Variants in IRX3 observed in about 807,000 individuals in gnomAD.
IRX3 encodes iroquois homeobox 3, also known as iroquois-class homeodomain protein IRX-3.
IRX3 carries 20 observed loss-of-function variants against 36.4 expected under a neutral mutation model. The ratio of observed to expected loss-of-function variants is 0.55; its 90% confidence interval spans 0.39 to 0.80. The LOEUF (loss-of-function observed/expected upper bound fraction) is 0.80, where lower values mean the gene tolerates loss of function less well. Ranked by LOEUF, IRX3 falls within the 30% of genes least tolerant of loss-of-function variation. The pLI is 0.00. For missense variants in IRX3, 718 were observed against 733.2 expected, an observed-to-expected ratio of 0.98 and a Z score of 0.24; for synonymous variants, 404 against 351.6, an observed-to-expected ratio of 1.15 and a Z score of -1.67.
At position 54,284,718 on chromosome 16, in the gene IRX3, G is replaced by A. The variant is rs1481868250; in HGVS notation, c.1163C>T (p.Ala388Val). The change falls in exon 2 of 4, where the codon GCC (alanine) becomes GTC (valine). Residue 388 changes from alanine (A) to valine (V), a missense_variant. Physicochemically the swap from Ala to Val is moderately conservative, Grantham distance 64. Around this residue, in one of 3 missense-constraint regions of IRX3, gnomAD observed 468 missense variants for 462.1 expected, o/e 1.01. Coordinates refer to ENST00000329734, the MANE Select transcript of IRX3 (RefSeq NM_024336.3). The surrounding 1 kb of genome is among the most constrained non-coding windows in gnomAD (Gnocchi z 4.0). ...VAPSALQLSP[A>V]AAAAAAHRLV... Reference sequence around the variant, plus strand: ...TCTGTGAGCGGCGGCGGCGGCGGCGGCCGGAGAGAGCTGCAGGGCGGAAGG... The same window carrying A: ...TCTGTGAGCGGCGGCGGCGGCGGCGACCGGAGAGAGCTGCAGGGCGGAAGG... 9 of 1,432,610 alleles carry A rather than the reference G, an allele frequency of 6.3e-6. No individual in the cohort carries two copies. The highest frequency in any genetic ancestry group is 8.1e-6 in the Non-Finnish European group (9 of 1,105,952). 88.7% of individuals were successfully genotyped at this position (1,432,610 alleles called of 1,614,324 possible). A position where few individuals can be genotyped will look rare whatever the true frequency, so the allele number is the denominator to read the frequency against.
Position 54,286,116 on chromosome 16 carries a change from G to T in IRX3, c.-66C>A, listed in dbSNP as rs1901333499. On this transcript the variant is annotated 5_prime_UTR_variant, in exon 1 of 4. Coordinates refer to ENST00000329734, the MANE Select transcript of IRX3 (RefSeq NM_024336.3). ...CGGGCCGCCCAGCTCAGCGCCGCCC[G>T]CGGGCTCCGGCGCGCATCGGGGGCT... 1 of 1,176,214 alleles carries T rather than the reference G, an allele frequency of 8.5e-7. No homozygotes were observed. The highest frequency in any genetic ancestry group is 4.0e-5 in the East Asian group (1 of 25,148). The allele number at this position is 1,176,214 out of a possible 1,614,324, so 72.9% of individuals were successfully genotyped here.
In IRX3 at chr16:54,284,181, G is replaced by A. The variant is rs1456927878; in HGVS notation, c.1451+65C>T. ...CCCGGGGCAAAAGGCCGTGCGTGGT[G>A]CTCGGCGTCCTCTCCTTTCCCCGCC... On this transcript the variant is annotated intron_variant, in intron 3 of 3. Transcript: ENST00000329734. The surrounding 1 kb of genome is among the most constrained non-coding windows in gnomAD (Gnocchi z 4.0). 1 of 1,476,542 alleles carries A rather than the reference G, an allele frequency of 6.8e-7. No homozygotes were observed. Among genetic ancestry groups the A allele is most frequent in the Admixed American group, 1.8e-5 (1 of 54,494 alleles). 91.5% of individuals were successfully genotyped at this position (1,476,542 alleles called of 1,614,324 possible).
In IRX3 at chr16:54,284,897, G is replaced by C. The variant is rs777569439; in HGVS notation, c.984C>G (p.Pro328=). The C allele has an allele frequency of 1.1e-5, 17 of 1,573,524 alleles. No homozygotes were observed. Among genetic ancestry groups the C allele is most frequent in the Non-Finnish European group, 1.4e-5 (16 of 1,160,734 alleles). Residue 328 remains proline, a synonymous_variant, in exon 2 of 4, where the codon CCC becomes CCG. Coordinates refer to ENST00000329734, the MANE Select transcript of IRX3 (RefSeq NM_024336.3). The surrounding 1 kb of genome is among the most constrained non-coding windows in gnomAD (Gnocchi z 4.0). ...CGGGAGCGCAGGGGTCCAGGCTCAC[G>C]GGGGGCGACGGCAGAGACGGCGAGG... is the stretch of plus-strand genomic sequence containing the variant. ...AVASPSLPSP[P]VSLDPCAPAP... is the part of the protein sequence containing the mutation.
At position 54,284,372 on chromosome 16, in the gene IRX3, G is replaced by A. The variant is rs1901257537; in HGVS notation, c.1385-60C>T. Reference sequence around the variant, plus strand: ...TAGAGCGCTCGGTGCCGGCGCCCAGGGCCGCAGAAAGCAGGAGTGGAGAGG... The same window carrying A: ...TAGAGCGCTCGGTGCCGGCGCCCAGAGCCGCAGAAAGCAGGAGTGGAGAGG... On this transcript the variant is annotated intron_variant, in intron 2 of 3. Transcript: ENST00000329734. This position sits in a 1 kb window ranked among gnomAD's most constrained non-coding sequence, Gnocchi z 4.0. 2 of 1,553,228 alleles carry A rather than the reference G, an allele frequency of 1.3e-6. No individual in the cohort carries two copies. The highest frequency in any genetic ancestry group is 1.8e-4 in the Middle Eastern group (1 of 5,468).
chr16:54,284,413 C>A lies in IRX3; in HGVS notation c.1384+84G>T. The stretch of plus-strand genomic sequence containing the variant: ...AGTGGAGAGGGACGCGCGCCCTGCG[C>A]CCCCCGGGCCCTGCCCCTCCCGGCC... On this transcript the variant is annotated intron_variant, in intron 2 of 3. Transcript: ENST00000329734. This position sits in a 1 kb window ranked among gnomAD's most constrained non-coding sequence, Gnocchi z 4.0. The A allele has an allele frequency of 7.0e-7, 1 of 1,431,880 alleles. No individual in the cohort carries two copies. Among genetic ancestry groups the A allele is most frequent in the Non-Finnish European group, 9.1e-7 (1 of 1,099,256 alleles). 88.7% of individuals were successfully genotyped at this position (1,431,880 alleles called of 1,614,324 possible).
At position 54,284,688 on chromosome 16, in the gene IRX3, A is replaced by G. The variant is rs1329734393; in HGVS notation, c.1193T>C (p.Val398Ala). 1 of 1,415,100 alleles carries G rather than the reference A, an allele frequency of 7.1e-7. No homozygotes were observed. The highest frequency in any genetic ancestry group is 3.4e-5 in the Admixed American group (1 of 29,484). 87.7% of individuals were successfully genotyped at this position (1,415,100 alleles called of 1,614,324 possible). The stretch of plus-strand genomic sequence containing the variant: ...CGGGAACTTGCCCAGCGGCGCTGAG[A>G]CCAGTCTGTGAGCGGCGGCGGCGGC... The part of the protein sequence containing the change: ...AAAAAAAHRL[V>A]SAPLGKFPAW... The change falls in exon 2 of 4, where the codon GTC becomes GCC. Residue 398 changes from valine (V) to alanine (A), a missense_variant. By Grantham distance (64) the Val-to-Ala change is moderately conservative. Around this residue, in one of 3 missense-constraint regions of IRX3, gnomAD observed 468 missense variants for 462.1 expected, o/e 1.01. Coordinates refer to ENST00000329734, the MANE Select transcript of IRX3 (RefSeq NM_024336.3). This position sits in a 1 kb window ranked among gnomAD's most constrained non-coding sequence, Gnocchi z 4.0.
rs1195440005 is a variant in IRX3 at position 54,284,578 on chromosome 16, G to A, written c.1303C>T (p.Leu435=). 24 of 1,403,590 alleles carry A rather than the reference G, an allele frequency of 1.7e-5. No homozygotes were observed. The highest frequency in any genetic ancestry group is 2.1e-5 in the Non-Finnish European group (23 of 1,091,708). 86.9% of individuals were successfully genotyped at this position (1,403,590 alleles called of 1,614,324 possible). ...CCCGCGGCTCCGGGAAGTCCCAGCA[G>A]GTGCGGAGGGGCAGAGCCCAGCAGG... The part of the protein sequence containing the change: ...LSLLGSAPPH[L]LGLPGAAGHP... Residue 435 remains leucine (L), a synonymous_variant, in exon 2 of 4, where the codon CTG becomes TTG. Transcript: ENST00000329734. The surrounding 1 kb of genome is among the most constrained non-coding windows in gnomAD (Gnocchi z 4.0).
Position 54,285,288 on chromosome 16 carries a change from C to T in IRX3, c.593G>A (p.Arg198His). 1 of 1,614,122 alleles carries T rather than the reference C, an allele frequency of 6.2e-7. No homozygotes were observed. Among genetic ancestry groups the T allele is most frequent in the Admixed American group, 1.7e-5 (1 of 60,026 alleles). The change falls in exon 2 of 4, where the codon CGC becomes CAC. Residue 198 changes from arginine to histidine, a missense_variant. Around this residue, in one of 3 missense-constraint regions of IRX3, gnomAD observed 468 missense variants for 462.1 expected, o/e 1.01. Transcript: ENST00000329734. The surrounding 1 kb of genome is among the most constrained non-coding windows in gnomAD (Gnocchi z 5.7). ...ENKMTWAPRS[R>H]TDEEGNAYGS... The stretch of plus-strand genomic sequence containing the variant: ...ATAAGCGTTTCCCTCCTCGTCAGTG[C>T]GGCTGCGAGGCGCCCAAGTCATCTT...
chr16:54,284,148 C>CCCCCTA lies in IRX3; in HGVS notation c.1451+92_1451+97dup. 7.8e-7 allele frequency: 1 copy of CCCCCTA among 1,279,124 alleles called. No homozygotes were observed. 79.2% of individuals were successfully genotyped at this position (1,279,124 alleles called of 1,614,324 possible). ...TACAAAATGCGTCCCAGCAGGGTTC[C>CCCCCTA]CCCCTACCCCGGGGCAAAAGGCCGT... On this transcript the variant is annotated intron_variant, in intron 3 of 3. Transcript: ENST00000329734. This position sits in a 1 kb window ranked among gnomAD's most constrained non-coding sequence, Gnocchi z 4.0.
In IRX3 at chr16:54,286,202, A is replaced by C; in HGVS notation, c.-152T>G. 1 of 1,022,250 alleles carries C rather than the reference A, an allele frequency of 9.8e-7. No individual in the cohort carries two copies. Among genetic ancestry groups the C allele is most frequent in the Non-Finnish European group, 1.2e-6 (1 of 854,202 alleles). 63.3% of individuals were successfully genotyped at this position (1,022,250 alleles called of 1,614,324 possible). ...CGCTGTGCTCCGCGTTCGCCTATTG[A>C]TCTGCTCCGCGGCGGCGACGGCGGC... On this transcript the variant is annotated 5_prime_UTR_variant, in exon 1 of 4. Coordinates refer to ENST00000329734, the MANE Select transcript of IRX3 (RefSeq NM_024336.3).
In IRX3 at chr16:54,284,146, TC is replaced by T. The variant is rs1166053898; in HGVS notation, c.1451+99del. ...TTTACAAAATGCGTCCCAGCAGGGT[TC>T]CCCCCTACCCCGGGGCAAAAGGCCG... On this transcript the variant is annotated intron_variant, in intron 3 of 3. Transcript: ENST00000329734. The surrounding 1 kb of genome is among the most constrained non-coding windows in gnomAD (Gnocchi z 4.0). The T allele has an allele frequency of 1.5e-5, 19 of 1,266,242 alleles. No homozygotes were observed. Among genetic ancestry groups the T allele is most frequent in the Middle Eastern group, 2.4e-4 (1 of 4,090 alleles). The allele number at this position is 1,266,242 out of a possible 1,614,324, so 78.4% of individuals were successfully genotyped here. A position where few individuals can be genotyped will look rare whatever the true frequency, so the allele number is the denominator to read the frequency against.
chr16:54,285,847 GGCGGCCGCA>G lies in IRX3; in HGVS notation c.195_203del (p.Ala68_Ala70del). 1 of 1,551,362 alleles carries G rather than the reference GGCGGCCGCA, an allele frequency of 6.4e-7. No individual in the cohort carries two copies. The highest frequency in any genetic ancestry group is 1.2e-5 in the South Asian group (1 of 84,426). On this transcript the variant is annotated inframe_deletion, in exon 1 of 4. Coordinates refer to ENST00000329734, the MANE Select transcript of IRX3 (RefSeq NM_024336.3). This position sits in a 1 kb window ranked among gnomAD's most constrained non-coding sequence, Gnocchi z 5.7. The stretch of plus-strand genomic sequence containing the variant: ...GGAAGGCGCCGTAGCCTTGGGCGGC[GGCGGCCGCA>G]GCGGCCGCGGCGTAGGGCGCCCCGT...
rs1388516707 is a variant in IRX3 at position 54,285,711 on chromosome 16, C to T, written c.267+73G>A. 3 of 1,463,192 alleles carry T rather than the reference C, an allele frequency of 2.1e-6. 1 individual carries two copies. 90.6% of individuals were successfully genotyped at this position (1,463,192 alleles called of 1,614,324 possible). A position where few individuals can be genotyped will look rare whatever the true frequency, so the allele number is the denominator to read the frequency against. On this transcript the variant is annotated intron_variant, in intron 1 of 3. Coordinates refer to ENST00000329734, the MANE Select transcript of IRX3 (RefSeq NM_024336.3). The surrounding 1 kb of genome is among the most constrained non-coding windows in gnomAD (Gnocchi z 5.7). ...CCCTCCTGGCCTGCACCCCTCTAGT[C>T]CGGCCCCCGCGCGCTCAGCTCGCCC...
At position 54,283,914 on chromosome 16, in the gene IRX3, G is replaced by A. The variant is rs943669246; in HGVS notation, c.1452-174C>T. On this transcript the variant is annotated intron_variant, in intron 3 of 3. Transcript: ENST00000329734. The surrounding 1 kb of genome is among the most constrained non-coding windows in gnomAD (Gnocchi z 4.4). ...GGTTTAACTGTAGGGTGGGCACGAG[G>A]CGTCAGGACCCGAGGTCTGGGGCTG... 9.1e-6 allele frequency: 9 copies of A among 985,402 alleles called. No homozygotes were observed. The highest frequency in any genetic ancestry group is 1.1e-5 in the Non-Finnish European group (9 of 829,912). The allele number at this position is 985,402 out of a possible 1,614,324, so 61.0% of individuals were successfully genotyped here.
rs201748669 is a variant in IRX3, at chr16:54,284,246, C to T, written c.1451G>A (p.Arg484Gln). 9 of 1,611,506 alleles carry T rather than the reference C, an allele frequency of 5.6e-6. No homozygotes were observed. In the Admixed American group the frequency reaches 1.3e-4, roughly 24 times the overall value. The change falls in exon 3 of 4, where the codon CGG becomes CAG. Residue 484 changes from arginine to glutamine, a missense_variant and splice_region_variant. Arg to Gln is a conservative substitution (Grantham distance 43, BLOSUM62 1). This residue lies in a region of IRX3 where 468 missense variants were observed against 462.1 expected (regional missense o/e 1.01). Transcript: ENST00000329734. This position sits in a 1 kb window ranked among gnomAD's most constrained non-coding sequence, Gnocchi z 4.0. ...GCCCCTCAACCTCGGGGTTTCTTAC[C>T]GCCTGGGCACGGGCTGGAAAGCTGT... ...LKTAFQPVPRRPQNHLDAALV... is the reference protein window; with the variant it reads ...LKTAFQPVPRQPQNHLDAALV...
At position 54,284,794 on chromosome 16, in the gene IRX3, G is replaced by A; in HGVS notation, c.1087C>T (p.Arg363Cys). The A allele has an allele frequency of 2.0e-6, 3 of 1,469,980 alleles. No individual in the cohort carries two copies. Among genetic ancestry groups the A allele is most frequent in the South Asian group, 1.4e-5 (1 of 72,374 alleles). 91.1% of individuals were successfully genotyped at this position (1,469,980 alleles called of 1,614,324 possible). A position where few individuals can be genotyped will look rare whatever the true frequency, so the allele number is the denominator to read the frequency against. Residue 363 changes from arginine to cysteine, a missense_variant, in exon 2 of 4, where the codon CGC becomes TGC. Arg to Cys is a radical substitution (Grantham distance 180). Transcript: ENST00000329734. This position sits in a 1 kb window ranked among gnomAD's most constrained non-coding sequence, Gnocchi z 4.0. Reference sequence around the variant, plus strand: ...CCCCCCGCGCCGGGAGGCGAGCGGCGCGGGTTGTCCGGGCTTGTGGCAGTC... The same window carrying A: ...CCCCCCGCGCCGGGAGGCGAGCGGCACGGGTTGTCCGGGCTTGTGGCAGTC... ...AETATSPDNP[R>C]RSPPGAGGSP...
At position 54,285,974 on chromosome 16, in the gene IRX3, C is replaced by G; in HGVS notation, c.77G>C (p.Ser26Thr). Reference protein sequence around the residue: ...PSERPGAAGGSGGSAGARGGL... With the variant: ...PSERPGAAGGTGGSAGARGGL... ...GCCCCGGGCCCCCGCGCTGCCGCCG[C>G]TGCCGCCAGCGGCCCCCGGGCGCTC... The change falls in exon 1 of 4, where the codon AGC becomes ACC. Residue 26 changes from serine (S) to threonine (T), a missense_variant. Around this residue, in one of 3 missense-constraint regions of IRX3, gnomAD observed 204 missense variants for 181.4 expected, o/e 1.12. Coordinates refer to ENST00000329734, the MANE Select transcript of IRX3 (RefSeq NM_024336.3). This position sits in a 1 kb window ranked among gnomAD's most constrained non-coding sequence, Gnocchi z 5.7. The G allele has an allele frequency of 7.2e-7, 1 of 1,383,350 alleles. No homozygotes were observed. The allele number at this position is 1,383,350 out of a possible 1,614,324, so 85.7% of individuals were successfully genotyped here. A position where few individuals can be genotyped will look rare whatever the true frequency, so the allele number is the denominator to read the frequency against.
In IRX3 at chr16:54,284,861, G is replaced by T; in HGVS notation, c.1020C>A (p.Pro340=). ...TCTTGGGCTTCTGCAGGGCGGAGGC[G>T]GGGGCTGGTGCGGGAGCGCAGGGGT... The part of the protein sequence containing the change: ...SLDPCAPAPA[P]ASALQKPKIW... The change falls in exon 2 of 4, where the codon CCC becomes CCA. Residue 340 remains proline (P), a synonymous_variant. Coordinates refer to ENST00000329734, the MANE Select transcript of IRX3 (RefSeq NM_024336.3). The surrounding 1 kb of genome is among the most constrained non-coding windows in gnomAD (Gnocchi z 4.0). The T allele has an allele frequency of 6.5e-7, 1 of 1,545,710 alleles. No individual in the cohort carries two copies.
In IRX3 at chr16:54,283,688, A is replaced by G. The variant is rs1346407448; in HGVS notation, c.1504T>C (p.Ter502GlnextTer31). The change falls in exon 4 of 4, where the codon TAG becomes CAG. Residue 502 changes from the stop codon to glutamine (Q), a stop_lost. Coordinates refer to ENST00000329734, the MANE Select transcript of IRX3 (RefSeq NM_024336.3). This position sits in a 1 kb window ranked among gnomAD's most constrained non-coding sequence, Gnocchi z 4.4. ...GTTTTTTTGTTTTTTTTAAAGAACT[A>G]GGATGAGGAGAGAGCCGATAAGACC... is the stretch of plus-strand genomic sequence containing the variant. ...ALVLSALSSS[*>Q] The G allele has an allele frequency of 2.4e-6, 3 of 1,275,940 alleles. No homozygotes were observed. The highest frequency in any genetic ancestry group is 3.4e-6 in the Non-Finnish European group (3 of 872,058). The allele number at this position is 1,275,940 out of a possible 1,614,324, so 79.0% of individuals were successfully genotyped here. A position where few individuals can be genotyped will look rare whatever the true frequency, so the allele number is the denominator to read the frequency against.
Sources: gnomAD v4.1 joint callset for allele counts on GRCh38, gnomAD v4.1.1 for gene constraint, gnomAD v4.1.1 regional missense constraint, Gnocchi (gnomAD v3.1) non-coding constraint, MANE v1.5 for transcripts, NCBI Gene and HGNC (gene_info 2026-07-23, HGNC 2026-07-21) for gene names.